Variants in GRID1 observed in about 807,000 individuals in gnomAD.
GRID1 encodes the protein glutamate ionotropic receptor delta type subunit 1.
Under a neutral mutation model 98.0 loss-of-function variants are expected in GRID1, and 28 were observed. That is an observed-to-expected ratio of 0.29 (90% confidence interval 0.21 to 0.39). The LOEUF (loss-of-function observed/expected upper bound fraction) is 0.39, where lower values mean the gene tolerates loss of function less well. Ranked by LOEUF, GRID1 falls within the 10% of genes least tolerant of loss-of-function variation. GRID1 has a pLI of 1.00. For synonymous variants in GRID1, 553 were observed against 538.5 expected, an observed-to-expected ratio of 1.03 and a Z score of -0.37; for missense variants, 1,111 against 1,340.5, an observed-to-expected ratio of 0.83 and a Z score of 2.67.
chr10:85,723,316 A>T (rs1453406181), intron 11 of GRID1, among the ~76,000 whole-genome samples, 175 bp from the exon 12 acceptor site: 2 of 152,162 alleles, frequency 1.3e-5, no homozygotes, highest in Non-Finnish European at 2.9e-5. Flanking sequence ...ATAGGATCCT[A>T]AAACCATGGA....
chr10:85,792,801 C>T (rs1842492868), intron 8 of GRID1, among the ~76,000 whole-genome samples: 1 of 152,054 alleles, frequency 6.6e-6, no homozygotes. Context: ...GGGAGTAGGC[C>T]ACAATGACCC....
At chr10:85,857,528 T>C (rs1451002463) in intron 6 of GRID1, among the ~76,000 whole-genome samples, 1 of 151,912 alleles carries the variant, frequency 6.6e-6, no homozygotes, top group East Asian at 1.9e-4. Context: ...CATGGGGACA[T>C]TGGAGCACAA....
chr10:86,016,766 C>T (rs937288959), intron 4 of GRID1, among the ~76,000 whole-genome samples: 1 of 152,284 alleles, frequency 6.6e-6, no homozygotes, highest in Admixed American at 6.5e-5. Context: ...ATTTCTAAAC[C>T]CAGCACCCTC....
intron 2 of GRID1, among the ~76,000 whole-genome samples, chr10:86,250,488 GCTGTGTTTTGGCTCCC>G (rs1846803715): frequency 6.6e-6 from 1 of 152,270 alleles, no homozygotes; most frequent in African/African-American, 2.4e-5. Flanking sequence ...GTGTGAGTGT[GCTGTGTTTTGGCTCCC>G]AGTGGGGCAC....
chr10:85,943,539 G>A (rs987341355), intron 4 of GRID1, among the ~76,000 whole-genome samples: 7 of 152,144 alleles, frequency 4.6e-5, no homozygotes, highest in African/African-American at 1.4e-4. Context: ...GCAATGTACT[G>A]TCCCTTGCTA....
In GRID1 at chr10:85,854,567, A is replaced by C; in HGVS notation, c.1162T>G (p.Ser388Ala). The C allele has an allele frequency of 6.2e-7, 1 of 1,613,596 alleles. No individual in the cohort carries two copies. The highest frequency in any genetic ancestry group is 8.5e-7 in the Non-Finnish European group (1 of 1,179,464). ...TGVMEFREDSSNPYVQFEILG... is the reference protein window; with the variant it reads ...TGVMEFREDSANPYVQFEILG... The stretch of plus-strand genomic sequence containing the variant: ...ATTTCAAACTGGACATAGGGATTCG[A>C]ACTGTCCTCCCGAAACTCCATCACC... The change falls in exon 8 of 16, where the codon TCG (serine) becomes GCG (alanine). Residue 388 changes from serine (S) to alanine (A), a missense_variant. By Grantham distance (99) the Ser-to-Ala change is moderately conservative. Around this residue, in one of 3 missense-constraint regions of GRID1, gnomAD observed 762 missense variants for 869.1 expected, o/e 0.88. Transcript: ENST00000327946.
chr10:86,046,232 T>C (rs1843422657), intron 4 of GRID1, among the ~76,000 whole-genome samples: 1 of 152,112 alleles, frequency 6.6e-6, no homozygotes, highest in Non-Finnish European at 1.5e-5. Flanking sequence ...AACCTACAAG[T>C]AATTAAAAGT....
At chr10:85,761,908 A>G (rs1047989321) in intron 8 of GRID1, among the ~76,000 whole-genome samples, 3 of 152,222 alleles carry the variant, frequency 2.0e-5, no homozygotes, top group African/African-American at 7.2e-5. Flanking sequence ...AAGCTACCAC[A>G]GGAACAGAAA....
At chr10:85,805,633 G>A (rs76803031) in intron 8 of GRID1, among the ~76,000 whole-genome samples, 5,021 of 151,988 alleles carry the variant, frequency 0.033, 127 homozygotes, top group Non-Finnish European at 0.047. Context: ...TTAAAGATAA[G>A]TGTATTTTAA....
intron 4 of GRID1, among the ~76,000 whole-genome samples, chr10:85,992,125 A>T (rs1271116588): frequency 6.6e-6 from 1 of 151,936 alleles, no homozygotes. Context: ...TGGAGATGGG[A>T]GATGAGGGGG....
intron 4 of GRID1, among the ~76,000 whole-genome samples, chr10:85,952,047 G>A (rs191788177): frequency 2.4e-4 from 36 of 152,264 alleles, no homozygotes; most frequent in African/African-American, 7.9e-4. Context: ...AACACTATCC[G>A]AAGCACTAAA....
At chr10:86,053,562 G>A (rs1186477651) in intron 4 of GRID1, among the ~76,000 whole-genome samples, 2 of 151,864 alleles carry the variant, frequency 1.3e-5, no homozygotes, top group African/African-American at 4.8e-5. Context: ...GGGTTTCGCC[G>A]TGTTGGCCAG....
chr10:86,170,817 T>A (rs1393607965), intron 3 of GRID1, among the ~76,000 whole-genome samples: 1 of 152,174 alleles, frequency 6.6e-6, no homozygotes, highest in East Asian at 1.9e-4. Flanking sequence ...AAAAGCTGAA[T>A]GGATTTCTGG....
chr10:86,271,045 C>A (rs1847177732), intron 2 of GRID1, among the ~76,000 whole-genome samples: 1 of 152,164 alleles, frequency 6.6e-6, no homozygotes, highest in Non-Finnish European at 1.5e-5. Flanking sequence ...GAGTGATGGG[C>A]ACAGAGAAAG....
chr10:86,298,658 C>T lies in GRID1; in HGVS notation c.235+65283G>A, dbSNP rs947889852. On this transcript the variant is annotated intron_variant, in intron 2 of 15. Transcript: ENST00000327946. ...CTTCAGGACTCATCCTGGAGCTAAA[C>T]ATGCCCCCGAGGCTTCCTCACCTCC... Among the ~76,000 whole-genome samples, 7 of 152,166 alleles carry T rather than the reference C, an allele frequency of 4.6e-5. No individual in the cohort carries two copies. The South Asian group carries it at 1.4e-3, about 32-fold the overall frequency.
At chr10:85,776,134 C>T (rs949118912) in intron 8 of GRID1, among the ~76,000 whole-genome samples, 9 of 152,142 alleles carry the variant, frequency 5.9e-5, no homozygotes, top group African/African-American at 1.4e-4. Context: ...AACACCTCCA[C>T]GTTCTTAACT....
chr10:85,694,909 T>C (rs1476757387), intron 12 of GRID1, among the ~76,000 whole-genome samples: 1 of 151,880 alleles, frequency 6.6e-6, no homozygotes, highest in Non-Finnish European at 1.5e-5. Flanking sequence ...ACTTCACCAC[T>C]ACACAAGATA....
chr10:85,694,747 T>A (rs918024242), intron 12 of GRID1, among the ~76,000 whole-genome samples: 1 of 131,130 alleles, frequency 7.6e-6, no homozygotes, highest in Non-Finnish European at 1.6e-5. Context: ...AAGTGGGAAG[T>A]AAATGATAGG....
At chr10:86,339,548 C>T (rs2132108812) in intron 2 of GRID1, among the ~76,000 whole-genome samples, 1 of 152,380 alleles carries the variant, frequency 6.6e-6, no homozygotes, top group African/African-American at 2.4e-5. Context: ...AGGCCTTTGC[C>T]TCCCGCTGGG....
Sources: gnomAD v4.1 joint callset for allele counts (sites outside exome capture counted in the v4.1 genomes callset) on GRCh38, gnomAD v4.1.1 for gene constraint, gnomAD v4.1.1 regional missense constraint, MANE v1.5 for transcripts, NCBI Gene and HGNC (gene_info 2026-07-23, HGNC 2026-07-21) for gene names.